Variants in MEIOC observed in about 807,000 individuals in gnomAD.
The protein encoded by MEIOC is meiosis-specific coiled-coil domain-containing protein MEIOC.
In MEIOC, 9 loss-of-function variants were observed where a neutral mutation model predicts 85.3. That is an observed-to-expected ratio of 0.11 (90% confidence interval 0.06 to 0.18). The LOEUF (loss-of-function observed/expected upper bound fraction) is 0.18, where lower values mean the gene tolerates loss of function less well. MEIOC is among the 10% of genes least tolerant of loss of function. MEIOC has a pLI of 1.00. For synonymous variants in MEIOC, 365 were observed against 393.7 expected (o/e 0.93, Z 0.86); for missense variants, 898 against 1,129.4 (o/e 0.80, Z 2.94).
intron 3 of MEIOC, among the ~76,000 whole-genome samples, chr17:44,663,073 T>C (rs1301066555): frequency 1.3e-5 from 2 of 152,268 alleles, no homozygotes; most frequent in African/African-American, 4.8e-5. Flanking sequence ...TAGATGTTTT[T>C]GTCATCCAGT....
At chr17:44,665,124 TG>T in intron 3 of MEIOC, 1 of 1,018,982 alleles carries the variant, frequency 9.8e-7, no homozygotes, top group Non-Finnish European at 1.2e-6. Flanking sequence ...CCATGTGTTG[TG>T]GAGAAATAAG....
At chr17:44,659,026 C>G (rs1396260417) in intron 2 of MEIOC, among the ~76,000 whole-genome samples, 1 of 151,622 alleles carries the variant, frequency 6.6e-6, no homozygotes, top group Admixed American at 6.6e-5. Flanking sequence ...CTGGTTTTAA[C>G]AATGTCTTAA....
intron 3 of MEIOC, 58 bp from the exon 4 acceptor site, chr17:44,665,326 T>C (rs538214602): frequency 8.9e-7 from 1 of 1,123,658 alleles, no homozygotes; most frequent in Non-Finnish European, 1.2e-6. Context: ...TAAGGTAGGA[T>C]AAGTCTGGAA....
chr17:44,666,746 A>G lies in MEIOC; in HGVS notation c.835A>G (p.Ile279Val). 1 of 1,609,884 alleles carries G rather than the reference A, an allele frequency of 6.2e-7. No homozygotes were observed. Among genetic ancestry groups the G allele is most frequent in the Non-Finnish European group, 8.5e-7 (1 of 1,177,132 alleles). Residue 279 changes from isoleucine (I) to valine (V), a missense_variant, in exon 5 of 8, where the codon ATC becomes GTC. Ile to Val is a conservative substitution (Grantham distance 29). Around this residue, in one of 2 missense-constraint regions of MEIOC, gnomAD observed 734 missense variants for 860.1 expected, o/e 0.85. Coordinates refer to ENST00000409122, the MANE Select transcript of MEIOC (RefSeq NM_001145080.3). The part of the protein sequence containing the change: ...CFTPQTGLSD[I>V]MKESGVDIYH... ...TACACCCCAAACTGGTCTGTCTGAT[A>G]TCATGAAAGAATCAGGAGTTGATAT...
intron 1 of MEIOC, 23 bp downstream of exon 1, chr17:44,656,705 G>A (rs1971760916): frequency 1.4e-6 from 2 of 1,479,038 alleles, no homozygotes; most frequent in African/African-American, 1.5e-5. Context: ...GAAGGGCAGG[G>A]TCCAGGGGGC....
In MEIOC at chr17:44,667,415, A is replaced by G; in HGVS notation, c.1504A>G (p.Ser502Gly). The change falls in exon 5 of 8, where the codon AGT becomes GGT. Residue 502 changes from serine (S) to glycine (G), a missense_variant. By Grantham distance (56) the Ser-to-Gly change is moderately conservative. Coordinates refer to ENST00000409122, the MANE Select transcript of MEIOC (RefSeq NM_001145080.3). The part of the protein sequence containing the change: ...RNQGNLMKLN[S>G]HLSAASKGSN... Reference sequence around the variant, plus strand: ...TCAAGGTAACTTGATGAAATTAAATAGTCATTTAAGTGCAGCTTCAAAAGG... The same window carrying G: ...TCAAGGTAACTTGATGAAATTAAATGGTCATTTAAGTGCAGCTTCAAAAGG... The G allele has an allele frequency of 6.2e-7, 1 of 1,613,340 alleles. No individual in the cohort carries two copies. The highest frequency in any genetic ancestry group is 8.5e-7 in the Non-Finnish European group (1 of 1,179,360).
chr17:44,665,503 T>C lies in MEIOC; in HGVS notation c.464+15T>C, dbSNP rs938350025. On this transcript the variant is annotated intron_variant, in intron 4 of 7. Transcript: ENST00000409122. ...TTTGCTGAAGGGTTAGTATATAATC[T>C]ATATAGTATATAACAGGCTTTTAAA... The C allele has an allele frequency of 2.2e-6, 3 of 1,378,998 alleles. No individual in the cohort carries two copies. The highest frequency in any genetic ancestry group is 2.9e-5 in the South Asian group (2 of 68,316). 85.4% of individuals were successfully genotyped at this position (1,378,998 alleles called of 1,614,324 possible).
intron 3 of MEIOC, among the ~76,000 whole-genome samples, chr17:44,662,945 A>G (rs1397774210): frequency 6.6e-6 from 1 of 152,202 alleles, no homozygotes; most frequent in Non-Finnish European, 1.5e-5. Flanking sequence ...GGAATTACAG[A>G]CATGAGCCTC....
chr17:44,667,503 T>C lies in MEIOC; in HGVS notation c.1592T>C (p.Leu531Ser), dbSNP rs1395634022. 1.2e-6 allele frequency: 2 copies of C among 1,613,854 alleles called. No individual in the cohort carries two copies. Among genetic ancestry groups the C allele is most frequent in the African/African-American group, 1.3e-5 (1 of 74,944 alleles). The part of the protein sequence containing the change: ...SSTNLTPNSN[L>S]FQKYCQENPS... Reference sequence around the variant, plus strand: ...ACAAACTTAACCCCAAATAGCAATTTATTTCAGAAATATTGCCAAGAAAAC... The same window carrying C: ...ACAAACTTAACCCCAAATAGCAATTCATTTCAGAAATATTGCCAAGAAAAC... The change falls in exon 5 of 8, where the codon TTA becomes TCA. Residue 531 changes from leucine to serine, a missense_variant. Leu to Ser is a moderately radical substitution (Grantham distance 145). Around this residue, in one of 2 missense-constraint regions of MEIOC, gnomAD observed 734 missense variants for 860.1 expected, o/e 0.85. Transcript: ENST00000409122.
chr17:44,665,501 T>C lies in MEIOC; in HGVS notation c.464+13T>C, dbSNP rs1418364172. On this transcript the variant is annotated intron_variant, in intron 4 of 7. Coordinates refer to ENST00000409122, the MANE Select transcript of MEIOC (RefSeq NM_001145080.3). ...ATTTTGCTGAAGGGTTAGTATATAA[T>C]CTATATAGTATATAACAGGCTTTTA... 2 of 1,419,584 alleles carry C rather than the reference T, an allele frequency of 1.4e-6. No homozygotes were observed. The highest frequency in any genetic ancestry group is 1.9e-6 in the Non-Finnish European group (2 of 1,039,076). 87.9% of individuals were successfully genotyped at this position (1,419,584 alleles called of 1,614,324 possible).
chr17:44,656,649 T>C lies in MEIOC; in HGVS notation c.36T>C (p.Pro12=). ...EVRRGDTCPR[P]HPSGLREEGL... ...GACGCGGAGACACCTGCCCGCGCCC[T>C]CACCCCTCAGGCCTGAGGGAGGAAG... is the stretch of plus-strand genomic sequence containing the variant. Residue 12 remains proline, a synonymous_variant, in exon 1 of 8, where the codon CCT becomes CCC. Transcript: ENST00000409122. 6.7e-7 allele frequency: 1 copy of C among 1,489,454 alleles called. No homozygotes were observed. The highest frequency in any genetic ancestry group is 8.9e-7 in the Non-Finnish European group (1 of 1,119,100). 92.3% of individuals were successfully genotyped at this position (1,489,454 alleles called of 1,614,324 possible).
chr17:44,657,325 G>T, intron 2 of MEIOC, 64 bp downstream of exon 2: 4 of 1,441,972 alleles, frequency 2.8e-6, no homozygotes, highest in Non-Finnish European at 2.8e-6. Context: ...TCGAGCCACC[G>T]ATTCATAGGT....
intron 7 of MEIOC, 122 bp from the exon 8 acceptor site, chr17:44,673,854 C>G: frequency 8.3e-7 from 1 of 1,205,510 alleles, no homozygotes; most frequent in Non-Finnish European, 1.1e-6. Context: ...CAATCAATAA[C>G]TATCCTTTTT....
In MEIOC at chr17:44,662,459, G is replaced by A. The variant is rs550516831; in HGVS notation, c.347G>A (p.Ser116Asn). The change falls in exon 3 of 8, where the codon AGT (serine) becomes AAT (asparagine). Residue 116 changes from serine (S) to asparagine (N), a missense_variant. Coordinates refer to ENST00000409122, the MANE Select transcript of MEIOC (RefSeq NM_001145080.3). ...AAACAACCTTCTAATTCTCAGATCAGTATAAAGAACAGGTAAATTAATTCA... is the reference window on the plus strand; with the variant it reads ...AAACAACCTTCTAATTCTCAGATCAATATAAAGAACAGGTAAATTAATTCA... Reference protein sequence around the residue: ...DIKQPSNSQISIKNRIQTERN... With the variant: ...DIKQPSNSQINIKNRIQTERN... 13 of 1,531,866 alleles carry A rather than the reference G, an allele frequency of 8.5e-6. No individual in the cohort carries two copies. Among genetic ancestry groups the A allele is most frequent in the Middle Eastern group, 1.7e-4 (1 of 5,950 alleles). 94.9% of individuals were successfully genotyped at this position (1,531,866 alleles called of 1,614,324 possible).
Position 44,656,663 on chromosome 17 carries a change from T to C in MEIOC, c.50T>C (p.Leu17Pro). The stretch of plus-strand genomic sequence containing the variant: ...TGCCCGCGCCCTCACCCCTCAGGCC[T>C]GAGGGAGGAAGGACTTGAGGTAATG... ...DTCPRPHPSG[L>P]REEGLEPKVA... Residue 17 changes from leucine (L) to proline (P), a missense_variant, in exon 1 of 8, where the codon CTG becomes CCG. Around this residue, in one of 2 missense-constraint regions of MEIOC, gnomAD observed 734 missense variants for 860.1 expected, o/e 0.85. Transcript: ENST00000409122. The C allele has an allele frequency of 6.7e-7, 1 of 1,490,830 alleles. No individual in the cohort carries two copies. Among genetic ancestry groups the C allele is most frequent in the Non-Finnish European group, 8.9e-7 (1 of 1,120,360 alleles). 92.4% of individuals were successfully genotyped at this position (1,490,830 alleles called of 1,614,324 possible). A position where few individuals can be genotyped will look rare whatever the true frequency, so the allele number is the denominator to read the frequency against.
chr17:44,656,825 C>T, intron 1 of MEIOC, 143 bp downstream of exon 1: 1 of 13,688 alleles, frequency 7.3e-5, no homozygotes, highest in Non-Finnish European at 1.3e-4. Context: ...GGCGGGCGGG[C>T]GGGGGGCGCG....
intron 4 of MEIOC, 87 bp from the exon 5 acceptor site, chr17:44,666,289 G>C (rs1404949264): frequency 8.7e-7 from 1 of 1,149,708 alleles, no homozygotes; most frequent in Non-Finnish European, 1.2e-6. Context: ...CAAGATAAAT[G>C]TTTTTGAAGA....
intron 6 of MEIOC, 198 bp downstream of exon 6, chr17:44,669,715 C>T: frequency 2.0e-6 from 1 of 512,340 alleles, no homozygotes; most frequent in Non-Finnish European, 3.5e-6. Context: ...CAAAAATTAG[C>T]TGGGGGTGGT....
In MEIOC at chr17:44,674,560, A is replaced by G. The variant is rs1037468000; in HGVS notation, c.*364A>G. On this transcript the variant is annotated 3_prime_UTR_variant, in exon 8 of 8. Coordinates refer to ENST00000409122, the MANE Select transcript of MEIOC (RefSeq NM_001145080.3). ...TCATTTAGGTTTGTCTTAGTTAAGT[A>G]TAATTCCAAATAATGAATCTAAGTG... is the stretch of plus-strand genomic sequence containing the variant. 27 of 1,005,444 alleles carry G rather than the reference A, an allele frequency of 2.7e-5. No homozygotes were observed. Among genetic ancestry groups the G allele is most frequent in the South Asian group, 1.3e-4 (3 of 23,174 alleles). The allele number at this position is 1,005,444 out of a possible 1,614,324, so 62.3% of individuals were successfully genotyped here.
Sources: allele counts gnomAD v4.1 joint callset (sites outside exome capture counted in the v4.1 genomes callset), GRCh38; gene constraint gnomAD v4.1.1; regional missense constraint gnomAD v4.1.1; transcripts MANE v1.5; gene names NCBI Gene and HGNC (gene_info 2026-07-23, HGNC 2026-07-21).